Variants in PANX1 observed in about 807,000 individuals in gnomAD.
PANX1 encodes the protein pannexin 1.
In PANX1, 30 loss-of-function variants were observed where a neutral mutation model predicts 38.7. That is an observed-to-expected ratio of 0.78 (90% CI 0.58 to 1.05). The LOEUF (loss-of-function observed/expected upper bound fraction) is 1.05, where lower values mean the gene tolerates loss of function less well. Among genes scored for constraint, PANX1 ranks in the 50% least tolerant of loss-of-function variants. The probability of loss-of-function intolerance (pLI) is 0.00; values close to 1 mark genes in which losing one functional copy is unlikely to be tolerated. For missense variants in PANX1, 551 were observed against 517.2 expected (o/e 1.07, Z -0.63); for synonymous variants, 230 against 212.2 (o/e 1.08, Z -0.73).
chr11:94,155,148 C>G (rs1460893165), intron 2 of PANX1, among the ~76,000 whole-genome samples: 5 of 150,994 alleles, frequency 3.3e-5, no homozygotes, highest in Non-Finnish European at 3.0e-5. Flanking sequence ...GTCAGGAGTT[C>G]GAGACCAGCC....
At chr11:94,164,917 A>G (rs536176219) in intron 2 of PANX1, among the ~76,000 whole-genome samples, 48 of 152,344 alleles carry the variant, frequency 3.2e-4, no homozygotes, top group Admixed American at 2.3e-3. Flanking sequence ...TCCCGTTATC[A>G]TTATATAATG....
Position 94,153,635 on chromosome 11 carries a change from A to G in PANX1, c.321+5A>G, listed in dbSNP as rs1162348475. On this transcript the variant is annotated splice_donor_5th_base_variant and intron_variant, in intron 2 of 4. Transcript: ENST00000227638. ...CTCCCACTGTGGCTGCATAAGGTAA[A>G]GGGAGACATTTCCAAATAGAACCTG... The G allele has an allele frequency of 6.2e-7, 1 of 1,612,094 alleles. No homozygotes were observed. Among genetic ancestry groups the G allele is most frequent in the East Asian group, 2.2e-5 (1 of 44,876 alleles).
chr11:94,173,095 G>A (rs537625647), intron 2 of PANX1, among the ~76,000 whole-genome samples: 2 of 151,748 alleles, frequency 1.3e-5, no homozygotes, highest in South Asian at 4.2e-4. Context: ...CTGTAAGTGC[G>A]GTATTACCTG....
chr11:94,132,114 C>G (rs1021167243), intron 1 of PANX1, among the ~76,000 whole-genome samples: 1 of 152,214 alleles, frequency 6.6e-6, no homozygotes. Context: ...TGAAACTACT[C>G]TATAAACATT....
At chr11:94,172,737 G>T (rs189043200) in intron 2 of PANX1, among the ~76,000 whole-genome samples, 1 of 151,796 alleles carries the variant, frequency 6.6e-6, no homozygotes, top group African/African-American at 2.4e-5. Flanking sequence ...TCTCCCAGAT[G>T]ATCACAAACT....
At chr11:94,137,066 G>A (rs2134475811) in intron 1 of PANX1, among the ~76,000 whole-genome samples, 1 of 152,240 alleles carries the variant, frequency 6.6e-6, no homozygotes, top group Non-Finnish European at 1.5e-5. Flanking sequence ...AGCACTTTGG[G>A]AGGCCAAGGC....
chr11:94,155,849 T>C (rs1291463768), intron 2 of PANX1, among the ~76,000 whole-genome samples: 4 of 152,300 alleles, frequency 2.6e-5, no homozygotes, highest in Middle Eastern at 3.4e-3. Flanking sequence ...TTTTCAGCCA[T>C]AGGTGGGTTC....
At chr11:94,159,774 T>A (rs1946999873) in intron 2 of PANX1, among the ~76,000 whole-genome samples, 1 of 151,828 alleles carries the variant, frequency 6.6e-6, no homozygotes, top group African/African-American at 2.4e-5. Context: ...TGCTTGCTTT[T>A]GAATGTGTTT....
rs115257713 is a variant in PANX1, at chr11:94,144,523, G to A, written c.182-8968G>A. 6.2e-3 allele frequency among the ~76,000 whole-genome samples: 942 copies of A among 152,262 alleles called. 8 individuals carry two copies. Among genetic ancestry groups the A allele is most frequent in the African/African-American group, 0.021 (862 of 41,544 alleles). On this transcript the variant is annotated intron_variant, in intron 1 of 4. Coordinates refer to ENST00000227638, the MANE Select transcript of PANX1 (RefSeq NM_015368.4). ...GAGTAGCCTTAGGCGCTCTGGGTGG[G>A]GTTCTCACACTCCAGCCATTGACTG...
intron 1 of PANX1, among the ~76,000 whole-genome samples, chr11:94,145,260 T>C (rs1946815023): frequency 6.6e-6 from 1 of 152,170 alleles, no homozygotes; most frequent in African/African-American, 2.4e-5. Context: ...CATTTAGTCC[T>C]TATATGTGTA....
intron 1 of PANX1, among the ~76,000 whole-genome samples, chr11:94,149,375 G>A (rs575299511): frequency 4.2e-4 from 64 of 152,330 alleles, no homozygotes; most frequent in Non-Finnish European, 6.9e-4. Flanking sequence ...CAGAAGGTGT[G>A]ACCAGCACCC....
intron 3 of PANX1, 60 bp from the exon 4 acceptor site, chr11:94,179,542 C>T (rs1346170721): frequency 7.9e-7 from 1 of 1,266,128 alleles, no homozygotes; most frequent in East Asian, 2.4e-5. Context: ...GTGTATCTGC[C>T]TTTAATATTT....
At position 94,179,717 on chromosome 11, in the gene PANX1, C is replaced by T. The variant is rs776347236; in HGVS notation, c.661C>T (p.Leu221Phe). Residue 221 changes from leucine to phenylalanine, a missense_variant, in exon 4 of 5, where the codon CTC (leucine) becomes TTC (phenylalanine). Coordinates refer to ENST00000227638, the MANE Select transcript of PANX1 (RefSeq NM_015368.4). Reference protein sequence around the residue: ...IKYISCRLLTLIIILLACIYL... With the variant: ...IKYISCRLLTFIIILLACIYL... ...GTACATTAGCTGCCGCCTGCTGACA[C>T]TCATCATTATACTGTTAGCGTGTAT... 6.2e-7 allele frequency: 1 copy of T among 1,613,894 alleles called. No homozygotes were observed. Among genetic ancestry groups the T allele is most frequent in the South Asian group, 1.1e-5 (1 of 91,032 alleles).
chr11:94,147,748 C>T (rs1173397304), intron 1 of PANX1, among the ~76,000 whole-genome samples: 3 of 152,156 alleles, frequency 2.0e-5, no homozygotes, highest in Admixed American at 6.5e-5. Flanking sequence ...ATGGACCACG[C>T]GTTTGGCAGG....
At chr11:94,170,527 G>A (rs561148117) in intron 2 of PANX1, among the ~76,000 whole-genome samples, 23 of 151,842 alleles carry the variant, frequency 1.5e-4, no homozygotes, top group South Asian at 6.2e-4. Flanking sequence ...ATCTGTTCGA[G>A]TCCTCACTTT....
At chr11:94,162,871 C>CTTTTTTT (rs59182320) in intron 2 of PANX1, among the ~76,000 whole-genome samples, 12,935 of 106,520 alleles carry the variant, frequency 0.12, 1,512 homozygotes, top group African/African-American at 0.19. Context: ...ACCAACCTCT[C>CTTTTTTT]TTTTTTTTTT....
intron 1 of PANX1, among the ~76,000 whole-genome samples, chr11:94,142,110 G>A (rs918598005): frequency 1.3e-4 from 20 of 152,148 alleles, no homozygotes; most frequent in African/African-American, 4.6e-4. Flanking sequence ...TGTGTCTGCG[G>A]GACACAGGAC....
At chr11:94,141,000 A>G (rs1269928570) in intron 1 of PANX1, among the ~76,000 whole-genome samples, 2 of 152,202 alleles carry the variant, frequency 1.3e-5, no homozygotes, top group Non-Finnish European at 2.9e-5. Flanking sequence ...AATATCCCAC[A>G]TCAGTAGCCC....
Position 94,129,532 on chromosome 11 carries a change from G to C in PANX1, c.181+39G>C, listed in dbSNP as rs1163177981. 4.5e-6 allele frequency: 7 copies of C among 1,555,810 alleles called. No homozygotes were observed. The South Asian group carries it at 8.2e-5, about 18-fold the overall frequency. ...AGGACGGAGGGGAGTGGCCGCCCCG[G>C]TCTGGCCCGGTGAGCTGCGATTTTA... On this transcript the variant is annotated intron_variant, in intron 1 of 4. Coordinates refer to ENST00000227638, the MANE Select transcript of PANX1 (RefSeq NM_015368.4).
Sources: allele counts gnomAD v4.1 joint callset (sites outside exome capture counted in the v4.1 genomes callset), GRCh38; gene constraint gnomAD v4.1.1; transcripts MANE v1.5; gene names NCBI Gene and HGNC (gene_info 2026-07-23, HGNC 2026-07-21).